RFX8: variants seen among roughly 807,000 people sequenced by gnomAD.
RFX8 encodes DNA-binding protein RFX8.
RFX8 carries 46 observed loss-of-function variants against 54.6 expected under a neutral mutation model. The ratio of observed to expected loss-of-function variants is 0.84; its 90% CI spans 0.67 to 1.08. The LOEUF is 1.08. RFX8 is among the 50% of genes least tolerant of loss of function. RFX8 has a pLI of 0.00. For missense variants in RFX8, 536 were observed against 562.3 expected, an observed-to-expected ratio of 0.95 and a Z score of 0.47; for synonymous variants, 192 against 209.5, an observed-to-expected ratio of 0.92 and a Z score of 0.72.
intron 2 of RFX8, among the ~76,000 whole-genome samples, chr2:101,423,891 AG>A (rs1420208273): frequency 2.2e-4 from 33 of 152,162 alleles, no homozygotes; most frequent in African/African-American, 8.0e-4. Context: ...GGATCACAGA[AG>A]TTTAGAGAGC....
At chr2:101,461,384 C>T (rs549246823) in intron 2 of RFX8, among the ~76,000 whole-genome samples, 1 of 151,978 alleles carries the variant, frequency 6.6e-6, no homozygotes, top group East Asian at 1.9e-4. Flanking sequence ...TTGTCAACAA[C>T]AGATTCTGAC....
intron 2 of RFX8, among the ~76,000 whole-genome samples, chr2:101,456,382 G>A (rs1688962874): frequency 1.3e-5 from 2 of 152,098 alleles, no homozygotes; most frequent in Non-Finnish European, 2.9e-5. Context: ...TTTGAGATAC[G>A]TTCCATCAAT....
intron 2 of RFX8, among the ~76,000 whole-genome samples, chr2:101,426,288 C>T (rs1687163736): frequency 6.6e-6 from 1 of 152,028 alleles, no homozygotes; most frequent in East Asian, 1.9e-4. Flanking sequence ...TTGCCTCGGG[C>T]CAGGAGTTCA....
chr2:101,421,113 C>T (rs1243823314), intron 4 of RFX8: 6 of 300,650 alleles, frequency 2.0e-5, no homozygotes, highest in East Asian at 1.7e-4. Flanking sequence ...GTAGTAAATG[C>T]GCTCGTGCTG....
At chr2:101,453,701 G>T (rs1026568748) in intron 2 of RFX8, among the ~76,000 whole-genome samples, 1 of 152,058 alleles carries the variant, frequency 6.6e-6, no homozygotes, top group Non-Finnish European at 1.5e-5. Context: ...CAACTTGCAT[G>T]TCTACAGTTT....
intron 2 of RFX8, among the ~76,000 whole-genome samples, chr2:101,454,894 T>C (rs1688882437): frequency 1.3e-5 from 2 of 152,216 alleles, no homozygotes; most frequent in Non-Finnish European, 2.9e-5. Context: ...AGAAGCTCTT[T>C]AGTTTAATTA....
rs1260372168 is a variant in RFX8 at position 101,452,955 on chromosome 2, A to G, written c.72+13822T>C. Among the ~76,000 whole-genome samples the G allele has an allele frequency of 2.0e-5, 3 of 151,606 alleles. 1 individual carries two copies. The highest frequency in any genetic ancestry group is 2.9e-5 in the Non-Finnish European group (2 of 67,942). The stretch of plus-strand genomic sequence containing the variant: ...CCCCGTCTCTGCTAAAAATACAAAA[A>G]TTAGCTGGGCGTGGTAACATGTGCC... On this transcript the variant is annotated intron_variant, in intron 2 of 11. Coordinates refer to ENST00000428343, the MANE Select transcript of RFX8 (RefSeq NM_001145664.2).
chr2:101,469,908 T>C lies in RFX8; in HGVS notation c.-52-3008A>G, dbSNP rs189330162. 9.3e-4 allele frequency among the ~76,000 whole-genome samples: 142 copies of C among 152,282 alleles called. 2 individuals are homozygous for C. Among genetic ancestry groups the C allele is most frequent in the East Asian group, 7.5e-3 (39 of 5,184 alleles). On this transcript the variant is annotated intron_variant, in intron 1 of 11. Transcript: ENST00000428343. ...GGGCTGCCTTCGGATGTGAGCCCTG[T>C]GTGGCTGCCTTGATCCTGGCAGTTC...
rs1690168403 is a variant in RFX8, at chr2:101,474,143, G to T, written c.-53+493C>A. 7 of 580,512 alleles carry T rather than the reference G, an allele frequency of 1.2e-5. No homozygotes were observed. The South Asian group carries it at 1.4e-4, about 11-fold the overall frequency. 36.0% of individuals were successfully genotyped at this position (580,512 alleles called of 1,614,324 possible). A position where few individuals can be genotyped will look rare whatever the true frequency, so the allele number is the denominator to read the frequency against. ...CGAGGGCAGCCGTAGCGGGAACCACGCTTCCCCTCCCCGGCCCCACCTCCT... is the reference window on the plus strand; with the variant it reads ...CGAGGGCAGCCGTAGCGGGAACCACTCTTCCCCTCCCCGGCCCCACCTCCT... On this transcript the variant is annotated intron_variant, in intron 1 of 11. Transcript: ENST00000428343.
At chr2:101,418,424 T>C (rs942487663) in intron 5 of RFX8, among the ~76,000 whole-genome samples, 2 of 152,156 alleles carry the variant, frequency 1.3e-5, no homozygotes, top group African/African-American at 4.8e-5. Flanking sequence ...CCAGAGAAGA[T>C]ATAAACCTGA....
rs1255071145 is a variant in RFX8, at chr2:101,469,122, A to G, written c.-52-2222T>C. On this transcript the variant is annotated intron_variant, in intron 1 of 11. Coordinates refer to ENST00000428343, the MANE Select transcript of RFX8 (RefSeq NM_001145664.2). Reference sequence around the variant, plus strand: ...TATATATATAAGTGTATATATATATAAGTATATATATATAAGTATATATAT... The same window carrying G: ...TATATATATAAGTGTATATATATATGAGTATATATATATAAGTATATATAT... 4.3e-5 allele frequency among the ~76,000 whole-genome samples: 5 copies of G among 116,460 alleles called. No homozygotes were observed. In the South Asian group the frequency reaches 7.8e-4, roughly 18 times the overall value. 76.4% of individuals were successfully genotyped at this position (116,460 alleles called of 152,430 possible).
At chr2:101,403,470 C>G (rs1363637188) in intron 10 of RFX8, among the ~76,000 whole-genome samples, 1 of 152,166 alleles carries the variant, frequency 6.6e-6, no homozygotes, top group Non-Finnish European at 1.5e-5. Context: ...AAGGTAAAAC[C>G]ATGACTCTTA....
chr2:101,440,966 A>ATT (rs70946645), intron 2 of RFX8, among the ~76,000 whole-genome samples: 4 of 113,462 alleles, frequency 3.5e-5, no homozygotes. Context: ...CCATGTTGAA[A>ATT]TTTTTTTTTT....
chr2:101,433,759 T>G (rs1052947014), intron 2 of RFX8, among the ~76,000 whole-genome samples: 2 of 152,184 alleles, frequency 1.3e-5, no homozygotes, highest in African/African-American at 4.8e-5. Flanking sequence ...AAAACCTAAT[T>G]CATGTACCAT....
At chr2:101,428,465 G>T (rs1573408713) in intron 2 of RFX8, among the ~76,000 whole-genome samples, 1 of 152,168 alleles carries the variant, frequency 6.6e-6, no homozygotes, top group Non-Finnish European at 1.5e-5. Flanking sequence ...CCAGCCTCTG[G>T]AACTGTGAGA....
chr2:101,469,080 G>GTATATATA (rs1491455388), intron 1 of RFX8, among the ~76,000 whole-genome samples: 26 of 8,062 alleles, frequency 3.2e-3, no homozygotes, highest in South Asian at 9.0e-3. Flanking sequence ...ATATATATAA[G>GTATATATA]TGTATATATA....
In RFX8 at chr2:101,466,759, T is replaced by C; in HGVS notation, c.72+18A>G. On this transcript the variant is annotated intron_variant, in intron 2 of 11. Transcript: ENST00000428343. ...TTGCACTCAGTGAATAGAGCGTTCT[T>C]AATCTTCAACAACTTACCTTCCCAA... 1 of 1,535,522 alleles carries C rather than the reference T, an allele frequency of 6.5e-7. No homozygotes were observed. Among genetic ancestry groups the C allele is most frequent in the Non-Finnish European group, 8.8e-7 (1 of 1,132,318 alleles).
intron 2 of RFX8, among the ~76,000 whole-genome samples, chr2:101,446,226 A>G (rs927991695): frequency 6.6e-6 from 1 of 152,078 alleles, no homozygotes; most frequent in Non-Finnish European, 1.5e-5. Flanking sequence ...CCCAGGCTGG[A>G]GTGCAGTGGC....
chr2:101,413,654 C>T (rs867998148), intron 7 of RFX8, among the ~76,000 whole-genome samples: 3 of 152,038 alleles, frequency 2.0e-5, no homozygotes, highest in Non-Finnish European at 2.9e-5. Flanking sequence ...GCTCTTGGGG[C>T]GTGAAGTAAC....
Sources: allele counts gnomAD v4.1 joint callset (sites outside exome capture counted in the v4.1 genomes callset), GRCh38; gene constraint gnomAD v4.1.1; transcripts MANE v1.5; gene names NCBI Gene and HGNC (gene_info 2026-07-23, HGNC 2026-07-21).